Variants in DLG5 observed in about 807,000 individuals in gnomAD.
The protein encoded by DLG5 is discs large MAGUK scaffold protein 5.
Under a neutral mutation model 189.8 loss-of-function variants are expected in DLG5, and 48 were observed. The ratio of observed to expected loss-of-function variants is 0.25; its 90% confidence interval spans 0.20 to 0.32. DLG5 has a LOEUF of 0.32. DLG5 is among the 10% of genes least tolerant of loss of function. The pLI is 1.00. For synonymous variants in DLG5, 1,016 were observed against 1,054.1 expected, an observed-to-expected ratio of 0.96 and a Z score of 0.70; for missense variants, 2,160 against 2,544.7, an observed-to-expected ratio of 0.85 and a Z score of 3.25.
intron 1 of DLG5, among the ~76,000 whole-genome samples, chr10:77,924,722 GACC>G (rs1846634682): frequency 6.6e-6 from 1 of 152,180 alleles, no homozygotes; most frequent in African/African-American, 2.4e-5. Flanking sequence ...ACTCTGACAT[GACC>G]ACAACTGGGG....
rs759082173 is a variant in DLG5, at chr10:77,824,517, G to A, written c.2290-41C>T. The A allele has an allele frequency of 2.5e-5, 37 of 1,507,860 alleles. No individual in the cohort carries two copies. In the Admixed American group the frequency reaches 4.4e-4, roughly 18 times the overall value. 93.4% of individuals were successfully genotyped at this position (1,507,860 alleles called of 1,614,324 possible). A position where few individuals can be genotyped will look rare whatever the true frequency, so the allele number is the denominator to read the frequency against. On this transcript the variant is annotated intron_variant, in intron 13 of 31. Transcript: ENST00000372391. ...GAGCATGTCAGGCCACAGGCAGAGC[G>A]GCCTCAGGCCTACCAGTCAGGATCT...
intron 12 of DLG5, 133 bp downstream of exon 12, chr10:77,829,222 C>T (rs781148491): frequency 8.5e-6 from 11 of 1,301,542 alleles, no homozygotes; most frequent in Non-Finnish European, 1.2e-5. Context: ...CAGAAAAGCA[C>T]ATGGGCTACA....
At chr10:77,815,997 C>A in intron 20 of DLG5, 1 of 406,602 alleles carries the variant, frequency 2.5e-6, no homozygotes, top group Non-Finnish European at 4.9e-6. Context: ...CTAAAATGAA[C>A]CAGTACCAGT....
At chr10:77,925,370 GT>G (rs1161022865) in intron 1 of DLG5, among the ~76,000 whole-genome samples, 1 of 152,138 alleles carries the variant, frequency 6.6e-6, no homozygotes, top group Non-Finnish European at 1.5e-5. Context: ...CAGCTGCCTT[GT>G]CTAAAAAGGC....
chr10:77,839,073 C>T (rs763934751), intron 7 of DLG5, among the ~76,000 whole-genome samples: 5 of 152,214 alleles, frequency 3.3e-5, no homozygotes, highest in African/African-American at 4.8e-5. Context: ...GCTGGGAATG[C>T]GGTGGTTGCC....
intron 20 of DLG5, 52 bp from the exon 21 acceptor site, chr10:77,812,429 G>A: frequency 6.3e-7 from 1 of 1,583,484 alleles, no homozygotes; most frequent in Non-Finnish European, 8.6e-7. Flanking sequence ...AAAGGGTTGG[G>A]GAGAGCCTGA....
intron 5 of DLG5, among the ~76,000 whole-genome samples, chr10:77,846,114 G>A (rs1316855499): frequency 1.3e-5 from 2 of 151,966 alleles, no homozygotes. Context: ...GCGTGGTGGC[G>A]GGCACCTGTA....
At chr10:77,930,684 G>T (rs930643997), upstream of DLG5, among the ~76,000 whole-genome samples, 5 of 151,560 alleles carry the variant, frequency 3.3e-5, no homozygotes, top group African/African-American at 1.2e-4. Context: ...GGAGACAAGA[G>T]TCTTGCTCTG....
chr10:77,922,681 G>GTCT (rs1846570308), intron 1 of DLG5, among the ~76,000 whole-genome samples: 2 of 152,050 alleles, frequency 1.3e-5, no homozygotes, highest in Admixed American at 1.3e-4. Context: ...ACAGGGCCCT[G>GTCT]GAACCAAAGA....
intron 9 of DLG5, among the ~76,000 whole-genome samples, chr10:77,831,569 C>T (rs1304966086): frequency 6.6e-6 from 1 of 152,164 alleles, no homozygotes; most frequent in Non-Finnish European, 1.5e-5. Flanking sequence ...ACTTAGTATA[C>T]AGCTACAGCA....
At chr10:77,894,327 T>A (rs1159171531) in intron 1 of DLG5, among the ~76,000 whole-genome samples, 2 of 152,000 alleles carry the variant, frequency 1.3e-5, no homozygotes, top group Admixed American at 1.3e-4. Context: ...TCCTTGCCCC[T>A]AAAACAGGGG....
chr10:77,915,952 G>C (rs1846345245), intron 1 of DLG5, among the ~76,000 whole-genome samples: 1 of 152,208 alleles, frequency 6.6e-6, no homozygotes, highest in Non-Finnish European at 1.5e-5. Flanking sequence ...GGCCTCCAAA[G>C]AGTCACATGT....
chr10:77,869,551 A>C, intron 1 of DLG5: 1 of 306,522 alleles, frequency 3.3e-6, no homozygotes. Flanking sequence ...CTCTAGCAAT[A>C]TGATTCTGGC....
chr10:77,856,453 GACAC>G (rs58908767), intron 3 of DLG5, among the ~76,000 whole-genome samples: 40 of 149,960 alleles, frequency 2.7e-4, no homozygotes, highest in South Asian at 1.1e-3. Flanking sequence ...CAGTGGTAGG[GACAC>G]ACACACACAC....
chr10:77,938,342 A>C, the DLG5 span, among the ~76,000 whole-genome samples: 1 of 152,098 alleles, frequency 6.6e-6, no homozygotes, highest in Admixed American at 6.6e-5. Context: ...GAGATCGGAG[A>C]ATCACTTGAG....
intron 20 of DLG5, among the ~76,000 whole-genome samples, chr10:77,813,312 G>T (rs1274382153): frequency 6.6e-6 from 1 of 152,194 alleles, no homozygotes; most frequent in Non-Finnish European, 1.5e-5. Context: ...ATAGATTCTA[G>T]CGGGGAGGCA....
At chr10:77,884,935 C>T (rs1845394138) in intron 1 of DLG5, among the ~76,000 whole-genome samples, 2 of 152,154 alleles carry the variant, frequency 1.3e-5, no homozygotes, top group South Asian at 4.1e-4. Flanking sequence ...GGACTCTTTC[C>T]AATGTTTTAC....
chr10:77,822,220 A>G, intron 14 of DLG5, 119 bp from the exon 15 acceptor site: 2 of 1,121,758 alleles, frequency 1.8e-6, no homozygotes, highest in Admixed American at 5.3e-5. Context: ...GCCCCTTAAA[A>G]AAGAGACAGA....
At chr10:77,822,127 G>C in intron 14 of DLG5, 26 bp from the exon 15 acceptor site, 9 of 1,585,820 alleles carry the variant, frequency 5.7e-6, no homozygotes, top group Non-Finnish European at 7.7e-6. Flanking sequence ...AGAGGAGTGA[G>C]AGAGAGAGTG....
Sources: allele counts gnomAD v4.1 joint callset (sites outside exome capture counted in the v4.1 genomes callset), GRCh38; gene constraint gnomAD v4.1.1; transcripts MANE v1.5; gene names NCBI Gene and HGNC (gene_info 2026-07-23, HGNC 2026-07-21).